KCTD8: variants seen among roughly 807,000 people sequenced by gnomAD.
KCTD8 encodes the protein BTB/POZ domain-containing protein KCTD8.
A neutral mutation model predicts 31.5 loss-of-function variants in KCTD8; 27 were observed. The ratio of observed to expected loss-of-function variants is 0.86; its 90% CI spans 0.63 to 1.18. The LOEUF (loss-of-function observed/expected upper bound fraction) is 1.18. Among genes scored for constraint, KCTD8 ranks in the 50% most tolerant of loss-of-function variants. KCTD8 has a pLI of 0.00. For missense variants in KCTD8, 658 were observed against 647.7 expected, an observed-to-expected ratio of 1.02 and a Z score of -0.17; for synonymous variants, 290 against 280.0, an observed-to-expected ratio of 1.04 and a Z score of -0.36.
intron 1 of KCTD8, among the ~76,000 whole-genome samples, chr4:44,415,135 T>C (rs930301876): frequency 1.3e-5 from 2 of 152,166 alleles, no homozygotes; most frequent in African/African-American, 2.4e-5. Context: ...GGCTGCATTG[T>C]GTTCATGTTC....
chr4:44,188,311 T>A (rs953141177), intron 1 of KCTD8, among the ~76,000 whole-genome samples: 2 of 152,214 alleles, frequency 1.3e-5, no homozygotes, highest in Non-Finnish European at 2.9e-5. Context: ...TATATGTGCA[T>A]AGCAGGGTTT....
chr4:44,264,674 CT>C (rs561876241), intron 1 of KCTD8, among the ~76,000 whole-genome samples: 125 of 152,312 alleles, frequency 8.2e-4, no homozygotes, highest in African/African-American at 2.7e-3. Context: ...AATCGGGTCA[CT>C]CCCCCCCGAA....
At chr4:44,226,133 C>T (rs1050825925) in intron 1 of KCTD8, among the ~76,000 whole-genome samples, 2 of 152,016 alleles carry the variant, frequency 1.3e-5, no homozygotes, top group African/African-American at 4.8e-5. Flanking sequence ...CGGCCCTCCT[C>T]ATCTAGGTTT....
intron 1 of KCTD8, among the ~76,000 whole-genome samples, chr4:44,415,230 AG>A (rs1227378315): frequency 1.3e-5 from 2 of 152,190 alleles, no homozygotes; most frequent in Non-Finnish European, 2.9e-5. Flanking sequence ...GTGTTCAAGA[AG>A]TGGCATGGCT....
intron 1 of KCTD8, among the ~76,000 whole-genome samples, chr4:44,319,816 A>C (rs1400759325): frequency 6.6e-6 from 1 of 152,124 alleles, no homozygotes; most frequent in Non-Finnish European, 1.5e-5. Flanking sequence ...AGAAAGCCTT[A>C]TGTTTTTTGA....
intron 1 of KCTD8, among the ~76,000 whole-genome samples, chr4:44,350,868 TCTC>T (rs1179467807): frequency 6.6e-6 from 1 of 152,114 alleles, no homozygotes; most frequent in African/African-American, 2.4e-5. Flanking sequence ...GTTCTTCATT[TCTC>T]CTCCTATGTT....
intron 1 of KCTD8, among the ~76,000 whole-genome samples, chr4:44,275,217 A>C (rs1327317619): frequency 2.6e-5 from 4 of 151,940 alleles, no homozygotes; most frequent in African/African-American, 9.7e-5. Flanking sequence ...GGCATATAAA[A>C]GATTGGTTCT....
intron 1 of KCTD8, among the ~76,000 whole-genome samples, chr4:44,241,348 C>T (rs932488765): frequency 2.6e-5 from 4 of 152,192 alleles, no homozygotes; most frequent in Non-Finnish European, 5.9e-5. Flanking sequence ...CATATAACAT[C>T]TATTGAAAAT....
intron 1 of KCTD8, among the ~76,000 whole-genome samples, chr4:44,211,467 A>C (rs1305223836): frequency 6.6e-6 from 1 of 152,186 alleles, no homozygotes; most frequent in Non-Finnish European, 1.5e-5. Flanking sequence ...ATTCAACATT[A>C]TATTTCTAAG....
rs568410294 is a variant in KCTD8, at chr4:44,210,859, T to C, written c.962-35609A>G. Among the ~76,000 whole-genome samples, 5 of 152,294 alleles carry C rather than the reference T, an allele frequency of 3.3e-5. No homozygotes were observed. In the East Asian group the frequency reaches 7.7e-4, roughly 24 times the overall value. ...TAAGAGAGAAAGATTTAGGAAAGCT[T>C]GCTCTCTGAAGGTGGGCAGAGCATC... On this transcript the variant is annotated intron_variant, in intron 1 of 1. Coordinates refer to ENST00000360029, the MANE Select transcript of KCTD8 (RefSeq NM_198353.3).
intron 1 of KCTD8, among the ~76,000 whole-genome samples, chr4:44,263,106 C>T (rs1211507963): frequency 6.6e-6 from 1 of 152,152 alleles, no homozygotes; most frequent in Non-Finnish European, 1.5e-5. Flanking sequence ...TCCTCTCCCA[C>T]TGCAGCAACG....
At chr4:44,271,631 C>A (rs1022422882) in intron 1 of KCTD8, among the ~76,000 whole-genome samples, 1 of 152,148 alleles carries the variant, frequency 6.6e-6, no homozygotes, top group Non-Finnish European at 1.5e-5. Context: ...CCACCCAGGG[C>A]AGAAAACTGC....
chr4:44,398,004 G>T (rs961891678), intron 1 of KCTD8, among the ~76,000 whole-genome samples: 2 of 151,966 alleles, frequency 1.3e-5, no homozygotes, highest in African/African-American at 4.8e-5. Context: ...TAATGCAATC[G>T]ACTCACTGCA....
At chr4:44,199,936 AC>A (rs1048405891) in intron 1 of KCTD8, among the ~76,000 whole-genome samples, 1 of 151,878 alleles carries the variant, frequency 6.6e-6, no homozygotes, top group Non-Finnish European at 1.5e-5. Flanking sequence ...AAAAGAGAAG[AC>A]CCAAATAAAT....
In KCTD8 at chr4:44,448,611, C is replaced by A. The variant is rs1473425345; in HGVS notation, c.-88G>T. 3.8e-6 allele frequency: 5 copies of A among 1,305,700 alleles called. No homozygotes were observed. In the African/African-American group the frequency reaches 4.6e-5, roughly 12 times the overall value. 80.9% of individuals were successfully genotyped at this position (1,305,700 alleles called of 1,614,324 possible). On this transcript the variant is annotated 5_prime_UTR_variant, in exon 1 of 2. Transcript: ENST00000360029. The surrounding 1 kb of genome is among the most constrained non-coding windows in gnomAD (Gnocchi z 4.1). ...GCCCCAGCCCTCCGCGTGCTCCTGG[C>A]GCTCTGCGCCCTCGGACTGGGCGGC...
intron 1 of KCTD8, among the ~76,000 whole-genome samples, chr4:44,207,884 C>T (rs2109342171): frequency 6.6e-6 from 1 of 152,248 alleles, no homozygotes; most frequent in East Asian, 1.9e-4. Context: ...TTAGGTGCTA[C>T]AAGCATGGGG....
At chr4:44,429,591 G>C (rs1721424631) in intron 1 of KCTD8, among the ~76,000 whole-genome samples, 1 of 151,852 alleles carries the variant, frequency 6.6e-6, no homozygotes, top group Non-Finnish European at 1.5e-5. Context: ...CATTCAATAA[G>C]TTCAGCTGGG....
At chr4:44,228,063 T>C (rs1489625779) in intron 1 of KCTD8, among the ~76,000 whole-genome samples, 1 of 152,224 alleles carries the variant, frequency 6.6e-6, no homozygotes, top group Non-Finnish European at 1.5e-5. Flanking sequence ...ATTGCAGTCA[T>C]GATTTGGCCT....
chr4:44,181,900 C>T (rs1164618895), intron 1 of KCTD8, among the ~76,000 whole-genome samples: 2 of 150,728 alleles, frequency 1.3e-5, no homozygotes, highest in African/African-American at 2.4e-5. Context: ...CGCCTGGCAG[C>T]CGCCCCATCT....
Sources: allele counts gnomAD v4.1 joint callset (sites outside exome capture counted in the v4.1 genomes callset), GRCh38; gene constraint gnomAD v4.1.1; non-coding constraint Gnocchi (gnomAD v3.1); transcripts MANE v1.5; gene names NCBI Gene and HGNC (gene_info 2026-07-23, HGNC 2026-07-21).